The following SSH2 variants were observed in gnomAD, a reference collection of about 807,000 sequenced individuals.
SSH2 encodes the protein slingshot protein phosphatase 2.
SSH2 carries 37 observed loss-of-function variants against 135.2 expected under a neutral mutation model. The observed-to-expected ratio is 0.27, with a 90% CI of 0.21 to 0.36. The LOEUF is 0.36. Among genes scored for constraint, SSH2 ranks in the 10% least tolerant of loss-of-function variants. The pLI is 1.00. For synonymous variants in SSH2, 628 were observed against 646.2 expected (o/e 0.97, Z 0.43); for missense variants, 1,408 against 1,765.3 (o/e 0.80, Z 3.63).
At chr17:29,814,130 C>CAAAAAA (rs1402714927) in intron 2 of SSH2, among the ~76,000 whole-genome samples, 1 of 21,140 alleles carries the variant, frequency 4.7e-5, no homozygotes, top group Non-Finnish European at 8.8e-5. Flanking sequence ...GACTTCGTCT[C>CAAAAAA]AAAAAAAAAA....
intron 12 of SSH2, among the ~76,000 whole-genome samples, chr17:29,652,537 T>C (rs983855900): frequency 1.3e-5 from 2 of 151,968 alleles, no homozygotes; most frequent in African/African-American, 4.8e-5. Flanking sequence ...TCATATGGTA[T>C]GTAAATTATA....
intron 5 of SSH2, among the ~76,000 whole-genome samples, chr17:29,687,800 T>C (rs1362818170): frequency 2.6e-5 from 4 of 152,180 alleles, no homozygotes; most frequent in East Asian, 1.9e-4. Context: ...AAGGCTCAAA[T>C]ACAAATGGCC....
Position 29,673,778 on chromosome 17 carries a change from A to G in SSH2, c.615-1649T>C, listed in dbSNP as rs2037593887. ...AAACAAAGATATGACCATATTCTCC[A>G]TATCATCTATAACTTGCTCTTTTGC... On this transcript the variant is annotated intron_variant, in intron 8 of 15. Coordinates refer to ENST00000540801, the MANE Select transcript of SSH2 (RefSeq NM_001282129.2). 4.6e-5 allele frequency: 13 copies of G among 281,136 alleles called. No homozygotes were observed. The South Asian group carries it at 4.8e-4, about 10-fold the overall frequency. 17.4% of individuals were successfully genotyped at this position (281,136 alleles called of 1,614,324 possible). A position where few individuals can be genotyped will look rare whatever the true frequency, so the allele number is the denominator to read the frequency against.
chr17:29,752,653 A>G (rs1330737079), intron 3 of SSH2, among the ~76,000 whole-genome samples: 1 of 152,138 alleles, frequency 6.6e-6, no homozygotes, highest in African/African-American at 2.4e-5. Context: ...TCTTGAAATC[A>G]TAAGATAAAA....
At chr17:29,674,407 T>TTTAGA (rs2037620397) in intron 8 of SSH2, among the ~76,000 whole-genome samples, 1 of 152,194 alleles carries the variant, frequency 6.6e-6, no homozygotes, top group East Asian at 1.9e-4. Context: ...TGCATGTTTC[T>TTTAGA]TCATCTAGGA....
At chr17:29,663,213 C>T (rs558194702) in intron 11 of SSH2, among the ~76,000 whole-genome samples, 35 of 152,284 alleles carry the variant, frequency 2.3e-4, no homozygotes, top group Non-Finnish European at 7.3e-5. Flanking sequence ...CTGTGCAGTA[C>T]ACTGCAGAAC....
intron 1 of SSH2, among the ~76,000 whole-genome samples, chr17:29,913,351 T>A (rs55658163): frequency 0.11 from 2,181 of 20,308 alleles, 195 homozygotes; most frequent in Middle Eastern, 0.22. Context: ...AAAAAAAATA[T>A]ATATATATAT....
intron 3 of SSH2, among the ~76,000 whole-genome samples, chr17:29,741,957 T>C (rs1207222095): frequency 1.6e-5 from 2 of 125,146 alleles, no homozygotes; most frequent in African/African-American, 6.4e-5. Flanking sequence ...TTTTTTTTGA[T>C]GGAGTCTTGC....
intron 1 of SSH2, among the ~76,000 whole-genome samples, chr17:29,853,248 G>A (rs1259035411): frequency 1.3e-5 from 2 of 151,524 alleles, no homozygotes; most frequent in Admixed American, 6.6e-5. Flanking sequence ...CACAACGACC[G>A]GCTAATTTTT....
chr17:29,913,354 A>AAAAAAAAAAT (rs1567650071), intron 1 of SSH2, among the ~76,000 whole-genome samples: 1 of 51,296 alleles, frequency 1.9e-5, no homozygotes, highest in Non-Finnish European at 4.0e-5. Context: ...AAAAATATAT[A>AAAAAAAAAAT]TATATATATA....
chr17:29,670,867 A>C (rs1198719729), intron 9 of SSH2, among the ~76,000 whole-genome samples: 4 of 152,238 alleles, frequency 2.6e-5, no homozygotes, highest in Non-Finnish European at 5.9e-5. Context: ...GAGAATCCTG[A>C]AGGTCAGACA....
intron 3 of SSH2, among the ~76,000 whole-genome samples, chr17:29,774,944 G>A (rs544004731): frequency 5.3e-5 from 8 of 152,082 alleles, no homozygotes; most frequent in Admixed American, 1.3e-4. Flanking sequence ...CCATTTGCTC[G>A]CAGTATCCTA....
At position 29,632,916 on chromosome 17, in the gene SSH2, C is replaced by T; in HGVS notation, c.2278G>A (p.Val760Ile). 1 of 1,608,388 alleles carries T rather than the reference C, an allele frequency of 6.2e-7. No homozygotes were observed. Among genetic ancestry groups the T allele is most frequent in the Non-Finnish European group, 8.5e-7 (1 of 1,176,774 alleles). The change falls in exon 16 of 16, where the codon GTC (valine) becomes ATC (isoleucine). Residue 760 changes from valine (V) to isoleucine (I), a missense_variant. Coordinates refer to ENST00000540801, the MANE Select transcript of SSH2 (RefSeq NM_001282129.2). Reference protein sequence around the residue: ...EEQSKAISELVSPDIFMQSHS... With the variant: ...EEQSKAISELISPDIFMQSHS... ...GACTGCATGAAGATGTCTGGGCTGACCAGTTCTGAAATTGCCTAAGAAGAG... is the reference window on the plus strand; with the variant it reads ...GACTGCATGAAGATGTCTGGGCTGATCAGTTCTGAAATTGCCTAAGAAGAG...
chr17:29,855,187 A>C (rs139678368), intron 1 of SSH2, among the ~76,000 whole-genome samples: 58 of 151,918 alleles, frequency 3.8e-4, no homozygotes, highest in African/African-American at 6.8e-4. Flanking sequence ...GTACTTAAAA[A>C]AGCTAGTGAC....
intron 1 of SSH2, among the ~76,000 whole-genome samples, chr17:29,927,150 A>C (rs2067082349): frequency 6.6e-6 from 1 of 152,212 alleles, no homozygotes; most frequent in Non-Finnish European, 1.5e-5. Flanking sequence ...GGACCCAAGA[A>C]ATGTTAGATA....
At chr17:29,900,010 TG>T (rs2066517431) in intron 1 of SSH2, among the ~76,000 whole-genome samples, 1 of 152,062 alleles carries the variant, frequency 6.6e-6, no homozygotes, top group Non-Finnish European at 1.5e-5. Context: ...TTGACAAACC[TG>T]AGAAAAACAA....
Position 29,677,731 on chromosome 17 carries a change from T to C in SSH2, c.490A>G (p.Thr164Ala), listed in dbSNP as rs779025574. The change falls in exon 7 of 16, where the codon ACC (threonine) becomes GCC (alanine). Residue 164 changes from threonine to alanine, a missense_variant. Transcript: ENST00000540801. ...DFSSNDSSTCTMGLVLPLWSD... is the reference protein window; with the variant it reads ...DFSSNDSSTCAMGLVLPLWSD... ...CAGAGAGGCAAAACTAAGCCCATGG[T>C]ACAAGTGCTACTGCAAGACAAGAAG... The C allele has an allele frequency of 6.2e-7, 1 of 1,613,740 alleles. No individual in the cohort carries two copies. Among genetic ancestry groups the C allele is most frequent in the Admixed American group, 1.7e-5 (1 of 60,010 alleles).
At chr17:29,684,070 C>T (rs868607116) in intron 6 of SSH2, among the ~76,000 whole-genome samples, 1 of 152,176 alleles carries the variant, frequency 6.6e-6, no homozygotes, top group Non-Finnish European at 1.5e-5. Flanking sequence ...TGGAAACACA[C>T]GACCAAAGAC....
chr17:29,753,633 T>C (rs2041019501), intron 3 of SSH2, among the ~76,000 whole-genome samples: 1 of 151,174 alleles, frequency 6.6e-6, no homozygotes, highest in Non-Finnish European at 1.5e-5. Flanking sequence ...CCGTCTGTAC[T>C]AAAAATACAA....
Sources: allele counts gnomAD v4.1 joint callset (sites outside exome capture counted in the v4.1 genomes callset), GRCh38; gene constraint gnomAD v4.1.1; transcripts MANE v1.5; gene names NCBI Gene and HGNC (gene_info 2026-07-23, HGNC 2026-07-21).